Variants in CRELD1 observed in about 807,000 individuals in gnomAD.
CRELD1 encodes the protein protein disulfide isomerase CRELD1.
In CRELD1, 42 loss-of-function variants were observed where a neutral mutation model predicts 58.2. That is an observed-to-expected ratio of 0.72 (90% CI 0.56 to 0.93). The LOEUF (loss-of-function observed/expected upper bound fraction) is 0.93. Among genes scored for constraint, CRELD1 ranks in the 40% least tolerant of loss-of-function variants. The probability of loss-of-function intolerance (pLI) is 0.00; values close to 1 mark genes in which losing one functional copy is unlikely to be tolerated. For missense variants in CRELD1, 500 were observed against 540.6 expected (o/e 0.92, Z 0.74); for synonymous variants, 222 against 202.0 (o/e 1.10, Z -0.84).
Position 9,941,141 on chromosome 3 carries a change from G to C in CRELD1, c.668G>C (p.Gly223Ala). 6.2e-7 allele frequency: 1 copy of C among 1,614,204 alleles called. No homozygotes were observed. The highest frequency in any genetic ancestry group is 8.5e-7 in the Non-Finnish European group (1 of 1,180,044). ...TTTGGCCCCTGTGCCCGATGCTCAG[G>C]ACCTGAGGAATCAAACTGTTTGCAA... ...ACFGPCARCS[G>A]PEESNCLQCK... is the part of the protein sequence containing the mutation. Residue 223 changes from glycine (G) to alanine (A), a missense_variant, in exon 7 of 11, where the codon GGA becomes GCA. By Grantham distance (60) the Gly-to-Ala change is moderately conservative. Transcript: ENST00000452070.
intron 8 of CRELD1, 86 bp downstream of exon 8, chr3:9,942,982 C>A: frequency 6.5e-7 from 1 of 1,543,200 alleles, no homozygotes; most frequent in Non-Finnish European, 9.0e-7. Flanking sequence ...TTCCCCTTCT[C>A]AGGCTTCAGA....
chr3:9,939,160 TAAATA>T (rs1037422214), intron 5 of CRELD1, among the ~76,000 whole-genome samples: 9 of 149,804 alleles, frequency 6.0e-5, no homozygotes, highest in African/African-American at 1.7e-4. Context: ...AATAAATAAA[TAAATA>T]AATAAATAAA....
At position 9,943,895 on chromosome 3, in the gene CRELD1, G is replaced by A. The variant is rs373278542; in HGVS notation, c.1048+380G>A. 493 of 1,605,092 alleles carry A rather than the reference G, an allele frequency of 3.1e-4. No individual in the cohort carries two copies. Among genetic ancestry groups the A allele is most frequent in the Non-Finnish European group, 4.0e-4 (467 of 1,171,912 alleles). ...CCCAGCAATTACTGTGTCAGATGCT[G>A]TTCTAGGTGCATTCCCCATCTTAAC... On this transcript the variant is annotated intron_variant, in intron 10 of 10. Transcript: ENST00000452070.
Position 9,945,343 on chromosome 3 carries a change from A to G in CRELD1, c.*764A>G, listed in dbSNP as rs550032002. 1 of 154,592 alleles carries G rather than the reference A, an allele frequency of 6.5e-6. No individual in the cohort carries two copies. Among genetic ancestry groups the G allele is most frequent in the East Asian group, 1.9e-4 (1 of 5,210 alleles). 9.6% of individuals were successfully genotyped at this position (154,592 alleles called of 1,614,324 possible). On this transcript the variant is annotated 3_prime_UTR_variant, in exon 11 of 11. Coordinates refer to ENST00000452070, the MANE Select transcript of CRELD1 (RefSeq NM_001077415.3). ...ATTAAATGAGGTGACAAATGTGAAGACCTGGACAGTACACAACAGATATTC... is the reference window on the plus strand; with the variant it reads ...ATTAAATGAGGTGACAAATGTGAAGGCCTGGACAGTACACAACAGATATTC...
At chr3:9,943,909 C>T (rs1302395844) in intron 10 of CRELD1, 3 of 1,587,010 alleles carry the variant, frequency 1.9e-6, no homozygotes, top group Non-Finnish European at 1.7e-6. Flanking sequence ...TAGGTGCATT[C>T]CCCATCTTAA....
rs2085467667 is a variant in CRELD1, at chr3:9,944,546, C to T, written c.1230C>T (p.Asp410=). The change falls in exon 11 of 11, where the codon GAC becomes GAT. Residue 410 remains aspartate (D), a synonymous_variant. Transcript: ENST00000452070. ...GCTACTGGTTGTCAGAGCGCAGTGA[C>T]CGTGTGCTGGAGGGCTTCATCAAGG... ...MTGYWLSERS[D]RVLEGFIKGR The T allele has an allele frequency of 6.2e-7, 1 of 1,610,624 alleles. No individual in the cohort carries two copies.
Position 9,938,109 on chromosome 3 carries a change from G to T in CRELD1, c.460+3G>T. 1 of 1,611,718 alleles carries T rather than the reference G, an allele frequency of 6.2e-7. No individual in the cohort carries two copies. Among genetic ancestry groups the T allele is most frequent in the South Asian group, 1.1e-5 (1 of 91,002 alleles). On this transcript the variant is annotated splice_donor_region_variant and intron_variant, in intron 5 of 10. Transcript: ENST00000452070. ...CACCTTCGGGCCCTCCTGCCTTCGT[G>T]AGTTTTTAAGTTGCTCTTGGGGATG...
rs748949209 is a variant in CRELD1, at chr3:9,934,931, G to T, written c.257+14G>T. ...ATACAAAGACAGGTAAGGGGCTGCT[G>T]GGGGAAGGGGTGTATATTCCCCTCC... On this transcript the variant is annotated intron_variant, in intron 3 of 10. Coordinates refer to ENST00000452070, the MANE Select transcript of CRELD1 (RefSeq NM_001077415.3). 5 of 1,600,426 alleles carry T rather than the reference G, an allele frequency of 3.1e-6. No homozygotes were observed. The Admixed American group carries it at 6.8e-5, about 22-fold the overall frequency.
At chr3:9,938,676 G>C (rs898629517) in intron 5 of CRELD1, 1 of 152,842 alleles carries the variant, frequency 6.5e-6, no homozygotes, top group Non-Finnish European at 1.5e-5. Flanking sequence ...TGGCTATCAT[G>C]GTGAAACACC....
At chr3:9,940,474 C>G (rs1022376544) in intron 5 of CRELD1, among the ~76,000 whole-genome samples, 1 of 151,996 alleles carries the variant, frequency 6.6e-6, no homozygotes, top group Non-Finnish European at 1.5e-5. Context: ...GAGACCGGCC[C>G]GGCCAACACA....
rs1438003093 is a variant in CRELD1 at position 9,942,873 on chromosome 3, C to T, written c.794C>T (p.Thr265Ile). The T allele has an allele frequency of 1.2e-6, 2 of 1,614,140 alleles. No homozygotes were observed. Among genetic ancestry groups the T allele is most frequent in the Non-Finnish European group, 8.5e-7 (1 of 1,179,948 alleles). ...NCGADQFCVN[T>I]EGSYECRDCA... is the part of the protein sequence containing the mutation. ...GGAGCTGACCAATTCTGCGTGAACACTGAGGGCTCCTATGAGTGCCGAGGT... is the reference window on the plus strand; with the variant it reads ...GGAGCTGACCAATTCTGCGTGAACATTGAGGGCTCCTATGAGTGCCGAGGT... The change falls in exon 8 of 11, where the codon ACT becomes ATT. Residue 265 changes from threonine to isoleucine, a missense_variant. Thr to Ile is a moderately conservative substitution (Grantham distance 89). Coordinates refer to ENST00000452070, the MANE Select transcript of CRELD1 (RefSeq NM_001077415.3).
chr3:9,939,954 G>A (rs1453198319), intron 5 of CRELD1, among the ~76,000 whole-genome samples: 18 of 150,486 alleles, frequency 1.2e-4, no homozygotes, highest in South Asian at 2.1e-4. Context: ...GGCTGGCCGG[G>A]CGGGGGGCTG....
Position 9,941,111 on chromosome 3 carries a change from C to A in CRELD1, c.638C>A (p.Ala213Asp). 1 of 1,614,200 alleles carries A rather than the reference C, an allele frequency of 6.2e-7. No homozygotes were observed. Among genetic ancestry groups the A allele is most frequent in the Non-Finnish European group, 8.5e-7 (1 of 1,180,024 alleles). Residue 213 changes from alanine to aspartate, a missense_variant and splice_region_variant, in exon 7 of 11, where the codon GCT becomes GAT. Transcript: ENST00000452070. ...ERNASHLVCSACFGPCARCSG... is the reference protein window; with the variant it reads ...ERNASHLVCSDCFGPCARCSG... Reference sequence around the variant, plus strand: ...CTCATGCTGCCCCCATTCCACCCAGCTTGTTTTGGCCCCTGTGCCCGATGC... The same window carrying A: ...CTCATGCTGCCCCCATTCCACCCAGATTGTTTTGGCCCCTGTGCCCGATGC...
Position 9,944,260 on chromosome 3 carries a change from G to A in CRELD1, c.1049-105G>A, listed in dbSNP as rs2085458053. 4 of 1,052,670 alleles carry A rather than the reference G, an allele frequency of 3.8e-6. No homozygotes were observed. The East Asian group carries it at 9.4e-5, about 25-fold the overall frequency. 65.2% of individuals were successfully genotyped at this position (1,052,670 alleles called of 1,614,324 possible). A position where few individuals can be genotyped will look rare whatever the true frequency, so the allele number is the denominator to read the frequency against. On this transcript the variant is annotated intron_variant, in intron 10 of 10. Coordinates refer to ENST00000452070, the MANE Select transcript of CRELD1 (RefSeq NM_001077415.3). ...GTAGTGTGCCTGGCTTGCTGGGCAG[G>A]CCTGGTGGCCATGATGATCAGGTGT...
intron 5 of CRELD1, 178 bp downstream of exon 5, chr3:9,938,284 G>C: frequency 1.6e-6 from 1 of 642,606 alleles, no homozygotes; most frequent in Non-Finnish European, 2.8e-6. Flanking sequence ...GGAAAGGCTT[G>C]GAGAAAGCAC....
intron 10 of CRELD1, 67 bp downstream of exon 10, chr3:9,943,582 G>A (rs2085431602): frequency 1.2e-6 from 2 of 1,610,626 alleles, no homozygotes; most frequent in African/African-American, 1.3e-5. Flanking sequence ...CCTTCCCCAG[G>A]TAGCAGTGGC....
intron 9 of CRELD1, 80 bp from the exon 10 acceptor site, chr3:9,943,301 G>A: frequency 6.2e-7 from 1 of 1,604,674 alleles, no homozygotes; most frequent in Admixed American, 1.7e-5. Flanking sequence ...GCAGAGGGGA[G>A]TGTTGAGAGA....
At position 9,943,976 on chromosome 3, in the gene CRELD1, A is replaced by G. The variant is rs920334740; in HGVS notation, c.1049-389A>G. The G allele has an allele frequency of 9.3e-6, 10 of 1,079,760 alleles. No individual in the cohort carries two copies. In the Admixed American group the frequency reaches 1.3e-4, roughly 15 times the overall value. The allele number at this position is 1,079,760 out of a possible 1,614,324, so 66.9% of individuals were successfully genotyped here. ...GAAGTTGGGTTCTCATCCCCACTCT[A>G]CATATGTAAAAATGAAGATGCAGAG... On this transcript the variant is annotated intron_variant, in intron 10 of 10. Coordinates refer to ENST00000452070, the MANE Select transcript of CRELD1 (RefSeq NM_001077415.3).
chr3:9,941,650 C>T lies in CRELD1; in HGVS notation c.733+444C>T, dbSNP rs373261873. Reference sequence around the variant, plus strand: ...CTAAAAATACAAAAAATTAGCTGGGCGTGGTGGCGGGTGCCTGTAGTCCCA... The same window carrying T: ...CTAAAAATACAAAAAATTAGCTGGGTGTGGTGGCGGGTGCCTGTAGTCCCA... On this transcript the variant is annotated intron_variant, in intron 7 of 10. Transcript: ENST00000452070. Among the ~76,000 whole-genome samples the T allele has an allele frequency of 1.1e-4, 17 of 151,760 alleles. 1 individual carries two copies. In the East Asian group the frequency reaches 1.2e-3, roughly 10 times the overall value.
Sources: allele counts gnomAD v4.1 joint callset (sites outside exome capture counted in the v4.1 genomes callset), GRCh38; gene constraint gnomAD v4.1.1; transcripts MANE v1.5; gene names NCBI Gene and HGNC (gene_info 2026-07-23, HGNC 2026-07-21).